Variants in KDM7A observed in about 807,000 individuals in gnomAD.
KDM7A encodes lysine demethylase 7A, also known as lysine-specific demethylase 7A.
KDM7A carries 28 observed loss-of-function variants against 114.8 expected under a neutral mutation model. That is an observed-to-expected ratio of 0.24 (90% confidence interval 0.18 to 0.33). The LOEUF is 0.33. KDM7A is among the 10% of genes least tolerant of loss of function. The pLI is 1.00. For synonymous variants in KDM7A, 423 were observed against 397.8 expected, an observed-to-expected ratio of 1.06 and a Z score of -0.75; for missense variants, 942 against 1,142.5, an observed-to-expected ratio of 0.82 and a Z score of 2.53.
Position 140,126,785 on chromosome 7 carries a change from T to C in KDM7A, c.740A>G (p.Lys247Arg), listed in dbSNP as rs1285646851. The C allele has an allele frequency of 6.2e-7, 1 of 1,613,960 alleles. No homozygotes were observed. Among genetic ancestry groups the C allele is most frequent in the African/African-American group, 1.3e-5 (1 of 74,922 alleles). ...CCAATAATTTTCCACCCAGGAAAGT[T>C]TTTTGGCTATATCAGGGACCTCCAC... ...ELVEVPDIAKKLSWVENYWPD... is the reference protein window; with the variant it reads ...ELVEVPDIAKRLSWVENYWPD... The change falls in exon 6 of 20, where the codon AAA becomes AGA. Residue 247 changes from lysine (K) to arginine (R), a missense_variant. Transcript: ENST00000397560.
Position 140,140,637 on chromosome 7 carries a change from G to A in KDM7A, c.195-1447C>T, listed in dbSNP as rs575300691. Among the ~76,000 whole-genome samples, 871 of 151,966 alleles carry A rather than the reference G, an allele frequency of 5.7e-3. 16 individuals are homozygous for A. The highest frequency in any genetic ancestry group is 0.019 in the African/African-American group (792 of 41,426). On this transcript the variant is annotated intron_variant, in intron 1 of 19. Transcript: ENST00000397560. ...AAAAATACAAAAATTAGCTGGGCAC[G>A]ATGGCCGGTGCCTGTAATCCCAGCC...
intron 1 of KDM7A, among the ~76,000 whole-genome samples, chr7:140,167,180 A>G (rs1004137113): frequency 1.7e-4 from 26 of 152,220 alleles, no homozygotes; most frequent in Admixed American, 1.4e-3. Context: ...ATCAGCTCTC[A>G]TAAGTTTAAT....
intron 18 of KDM7A, 65 bp downstream of exon 18, chr7:140,093,991 G>GA (rs1161735638): frequency 9.9e-7 from 1 of 1,012,410 alleles, no homozygotes; most frequent in Admixed American, 1.7e-5. Context: ...TTTTAAAAAA[G>GA]AAAGCAAAAA....
intron 16 of KDM7A, 60 bp downstream of exon 16, chr7:140,096,839 A>C: frequency 6.3e-7 from 1 of 1,590,834 alleles, no homozygotes; most frequent in African/African-American, 1.4e-5. Context: ...AAAACTAAAA[A>C]AAGTGTTCAT....
intron 1 of KDM7A, among the ~76,000 whole-genome samples, chr7:140,158,285 G>C (rs1392940832): frequency 2.6e-5 from 4 of 152,154 alleles, no homozygotes; most frequent in Non-Finnish European, 4.4e-5. Context: ...GCAGACAGAG[G>C]GGGACCAGTT....
chr7:140,156,646 T>C (rs964198068), intron 1 of KDM7A, among the ~76,000 whole-genome samples: 2 of 152,222 alleles, frequency 1.3e-5, no homozygotes, highest in African/African-American at 4.8e-5. Flanking sequence ...GGTATTTATC[T>C]ACTATCTCCC....
intron 1 of KDM7A, among the ~76,000 whole-genome samples, chr7:140,152,307 T>C (rs1349036729): frequency 6.6e-6 from 1 of 152,158 alleles, no homozygotes; most frequent in African/African-American, 2.4e-5. Context: ...TGGAAATTTA[T>C]ATATGACCCA....
chr7:140,168,638 T>A (rs1377436565), intron 1 of KDM7A, among the ~76,000 whole-genome samples: 2 of 151,558 alleles, frequency 1.3e-5, no homozygotes, highest in Non-Finnish European at 2.9e-5. Flanking sequence ...AACCTGTCAG[T>A]AAATGACATA....
chr7:140,166,187 G>A (rs1005679297), intron 1 of KDM7A, among the ~76,000 whole-genome samples: 10 of 152,010 alleles, frequency 6.6e-5, no homozygotes, highest in African/African-American at 1.9e-4. Flanking sequence ...TCAGATAAGC[G>A]GGGACACACT....
chr7:140,108,812 G>A (rs200983005), intron 11 of KDM7A, among the ~76,000 whole-genome samples: 6 of 152,164 alleles, frequency 3.9e-5, no homozygotes, highest in Non-Finnish European at 7.4e-5. Context: ...AGACAGGGAC[G>A]TTTAAGTCTG....
At chr7:140,135,837 C>T (rs1385011901) in intron 2 of KDM7A, among the ~76,000 whole-genome samples, 2 of 151,528 alleles carry the variant, frequency 1.3e-5, no homozygotes, top group African/African-American at 4.9e-5. Context: ...AACTTACTTT[C>T]CTTACTAGTA....
At chr7:140,152,249 G>A (rs1030235846) in intron 1 of KDM7A, among the ~76,000 whole-genome samples, 34 of 152,098 alleles carry the variant, frequency 2.2e-4, no homozygotes, top group African/African-American at 4.8e-4. Context: ...GTTACAGTAG[G>A]GGTCTGAACC....
chr7:140,148,058 C>T (rs944556029), intron 1 of KDM7A, among the ~76,000 whole-genome samples: 6 of 152,102 alleles, frequency 3.9e-5, no homozygotes, highest in African/African-American at 1.4e-4. Context: ...TATCATGTCT[C>T]TACCAGGTTC....
chr7:140,104,138 G>A (rs940026873), intron 11 of KDM7A, among the ~76,000 whole-genome samples: 2 of 152,060 alleles, frequency 1.3e-5, no homozygotes, highest in African/African-American at 2.4e-5. Flanking sequence ...CCTATCCTTC[G>A]CCCACTTGTT....
intron 1 of KDM7A, among the ~76,000 whole-genome samples, chr7:140,162,580 A>G (rs948104008): frequency 1.6e-5 from 2 of 125,184 alleles, no homozygotes; most frequent in African/African-American, 7.0e-5. Context: ...GCCCCAGTAA[A>G]TAAGAATCTT....
Position 140,102,008 on chromosome 7 carries a change from G to A in KDM7A, c.1581C>T (p.Ile527=), listed in dbSNP as rs371776478. 1 of 1,613,858 alleles carries A rather than the reference G, an allele frequency of 6.2e-7. No individual in the cohort carries two copies. Among genetic ancestry groups the A allele is most frequent in the African/African-American group, 1.3e-5 (1 of 74,912 alleles). ...GGACCTCCCTTGTGTGGAGCTCTAGGATGTCTAGGTTAGAAGGAGTTCGGA... is the reference window on the plus strand; with the variant it reads ...GGACCTCCCTTGTGTGGAGCTCTAGAATGTCTAGGTTAGAAGGAGTTCGGA... The part of the protein sequence containing the change: ...HNVRTPSNLD[I]LELHTREVLK... Residue 527 remains isoleucine, a synonymous_variant, in exon 12 of 20, where the codon ATC becomes ATT. Coordinates refer to ENST00000397560, the MANE Select transcript of KDM7A (RefSeq NM_030647.2).
rs963587625 is a variant in KDM7A at position 140,100,113 on chromosome 7, T to C, written c.1639-90A>G. 1.0e-5 allele frequency: 14 copies of C among 1,363,172 alleles called. No individual in the cohort carries two copies. In the Admixed American group the frequency reaches 1.1e-4, roughly 10 times the overall value. 84.4% of individuals were successfully genotyped at this position (1,363,172 alleles called of 1,614,324 possible). ...ATACAGTATACCACCACCTCCCCCATGGTCCTGCATCTCAAAGATACAGGC... is the reference window on the plus strand; with the variant it reads ...ATACAGTATACCACCACCTCCCCCACGGTCCTGCATCTCAAAGATACAGGC... On this transcript the variant is annotated intron_variant, in intron 12 of 19. Coordinates refer to ENST00000397560, the MANE Select transcript of KDM7A (RefSeq NM_030647.2).
At chr7:140,132,785 A>G (rs1407961757) in intron 3 of KDM7A, among the ~76,000 whole-genome samples, 1 of 152,180 alleles carries the variant, frequency 6.6e-6, no homozygotes, top group Non-Finnish European at 1.5e-5. Context: ...GAGGAATTCT[A>G]AAGACTGAGG....
intron 1 of KDM7A, among the ~76,000 whole-genome samples, chr7:140,151,835 G>C (rs1258904823): frequency 2.0e-5 from 3 of 152,174 alleles, no homozygotes; most frequent in Non-Finnish European, 4.4e-5. Flanking sequence ...CTCCAATCCA[G>C]CAGACAGTTT....
Sources: gnomAD v4.1 joint callset for allele counts (sites outside exome capture counted in the v4.1 genomes callset) on GRCh38, gnomAD v4.1.1 for gene constraint, MANE v1.5 for transcripts, NCBI Gene and HGNC (gene_info 2026-07-23, HGNC 2026-07-21) for gene names.